Variants in PRKG1 observed in about 807,000 individuals in gnomAD.
PRKG1 encodes the protein protein kinase cGMP-dependent 1.
Under a neutral mutation model 88.1 loss-of-function variants are expected in PRKG1, and 35 were observed. That is an observed-to-expected ratio of 0.40 (90% CI 0.30 to 0.53). The LOEUF (loss-of-function observed/expected upper bound fraction) is 0.53. Ranked by LOEUF, PRKG1 falls within the 20% of genes least tolerant of loss-of-function variation. The pLI is 0.59. For missense variants in PRKG1, 540 were observed against 839.8 expected (o/e 0.64, Z 4.41); for synonymous variants, 303 against 292.5 (o/e 1.04, Z -0.37).
chr10:51,951,820 A>C (rs564933014), intron 5 of PRKG1, among the ~76,000 whole-genome samples: 2 of 152,306 alleles, frequency 1.3e-5, no homozygotes, highest in South Asian at 4.1e-4. Flanking sequence ...TATGGTCAAA[A>C]ATAGCTCAAA....
At chr10:51,921,611 GT>G (rs1340077390) in intron 5 of PRKG1, among the ~76,000 whole-genome samples, 1 of 152,022 alleles carries the variant, frequency 6.6e-6, no homozygotes, top group African/African-American at 2.4e-5. Flanking sequence ...TATGAAGAGT[GT>G]TTATCATAAA....
At chr10:51,100,438 T>C (rs1255611148) in intron 1 of PRKG1, among the ~76,000 whole-genome samples, 1 of 152,186 alleles carries the variant, frequency 6.6e-6, no homozygotes, top group Non-Finnish European at 1.5e-5. Flanking sequence ...ATTTCCTGAT[T>C]CATTCACTGC....
At chr10:52,268,074 G>C (rs1403492175) in intron 10 of PRKG1, among the ~76,000 whole-genome samples, 2 of 152,064 alleles carry the variant, frequency 1.3e-5, no homozygotes, top group East Asian at 3.9e-4. Flanking sequence ...AAGATCCTGA[G>C]TTCTGTGAGT....
chr10:51,648,888 G>A (rs1202740330), intron 3 of PRKG1, among the ~76,000 whole-genome samples: 1 of 152,090 alleles, frequency 6.6e-6, no homozygotes, highest in Non-Finnish European at 1.5e-5. Context: ...CATGTTTGCA[G>A]TAAATTATGT....
intron 8 of PRKG1, among the ~76,000 whole-genome samples, chr10:52,138,082 A>T (rs562243887): frequency 3.9e-4 from 60 of 152,148 alleles, no homozygotes; most frequent in African/African-American, 1.4e-3. Context: ...TGCCTCTGAG[A>T]TACAGCCATA....
intron 2 of PRKG1, among the ~76,000 whole-genome samples, chr10:51,183,199 A>G (rs900833105): frequency 6.6e-6 from 1 of 152,198 alleles, no homozygotes; most frequent in Non-Finnish European, 1.5e-5. Flanking sequence ...TTTGTATGTA[A>G]TGACAATGCC....
intron 4 of PRKG1, among the ~76,000 whole-genome samples, chr10:51,897,418 A>G (rs10823842): frequency 5.4e-4 from 82 of 152,248 alleles, no homozygotes; most frequent in Non-Finnish European, 1.1e-3. Flanking sequence ...ATAACTCTGT[A>G]TGCTTCTTCC....
intron 5 of PRKG1, among the ~76,000 whole-genome samples, chr10:51,912,947 G>C (rs926901679): frequency 6.6e-6 from 1 of 151,514 alleles, no homozygotes; most frequent in African/African-American, 2.4e-5. Context: ...TTATTTTTTT[G>C]AGATGAAATC....
intron 1 of PRKG1, among the ~76,000 whole-genome samples, chr10:51,006,417 T>G (rs948707286): frequency 6.6e-6 from 1 of 152,226 alleles, no homozygotes; most frequent in Admixed American, 6.5e-5. Flanking sequence ...TAGAATGTAG[T>G]CATTCAATAA....
rs1312614287 is a variant in PRKG1, at chr10:52,271,629, T to G, written c.1313+140T>G. ...TTTTTAATCTAATCTTAAGAAAGTT[T>G]TGTTTGATTTCTAAAAATAAAGTTC... On this transcript the variant is annotated intron_variant, in intron 11 of 17. Transcript: ENST00000373980. The G allele has an allele frequency of 6.5e-6, 6 of 929,102 alleles. No individual in the cohort carries two copies. The African/African-American group carries it at 1.0e-4, about 15-fold the overall frequency. The allele number at this position is 929,102 out of a possible 1,614,324, so 57.6% of individuals were successfully genotyped here.
intron 2 of PRKG1, among the ~76,000 whole-genome samples, chr10:51,225,929 C>T (rs1293565185): frequency 1.3e-5 from 2 of 152,148 alleles, no homozygotes; most frequent in East Asian, 1.9e-4. Flanking sequence ...CTGTGCTGGG[C>T]GCGATGGCTC....
chr10:51,376,354 A>AT (rs1313119431), intron 2 of PRKG1, among the ~76,000 whole-genome samples: 4 of 152,120 alleles, frequency 2.6e-5, no homozygotes, highest in African/African-American at 9.7e-5. Context: ...TCAGTGTTTC[A>AT]TTAGAGAAAT....
At chr10:51,242,573 C>G (rs141586479) in intron 2 of PRKG1, among the ~76,000 whole-genome samples, 146 of 152,264 alleles carry the variant, frequency 9.6e-4, no homozygotes, top group Non-Finnish European at 1.7e-3. Flanking sequence ...GAGTAAGATA[C>G]AATCCCTGCC....
intron 3 of PRKG1, among the ~76,000 whole-genome samples, chr10:51,635,006 G>T (rs1839619839): frequency 6.6e-6 from 1 of 152,074 alleles, no homozygotes; most frequent in Non-Finnish European, 1.5e-5. Context: ...TTATTATCTG[G>T]CTGACAAAAT....
intron 3 of PRKG1, among the ~76,000 whole-genome samples, chr10:51,559,071 C>T (rs1275146409): frequency 6.6e-6 from 1 of 151,922 alleles, no homozygotes; most frequent in Non-Finnish European, 1.5e-5. Flanking sequence ...AGTTGTTAAC[C>T]TCTTACTATG....
intron 7 of PRKG1, among the ~76,000 whole-genome samples, chr10:52,099,886 C>T (rs951114275): frequency 1.3e-5 from 2 of 152,196 alleles, no homozygotes; most frequent in Non-Finnish European, 1.5e-5. Context: ...CAGGAGAGTG[C>T]TTGTAATGCA....
intron 2 of PRKG1, among the ~76,000 whole-genome samples, chr10:51,419,720 A>G (rs1256677787): frequency 6.6e-6 from 1 of 152,094 alleles, no homozygotes; most frequent in Non-Finnish European, 1.5e-5. Flanking sequence ...AAGATATATG[A>G]TAAAATTAGT....
In PRKG1 at chr10:51,878,041, T is replaced by C. The variant is rs1273370717; in HGVS notation, c.699-29466T>C. 2.0e-5 allele frequency among the ~76,000 whole-genome samples: 3 copies of C among 152,304 alleles called. No homozygotes were observed. In the East Asian group the frequency reaches 5.8e-4, roughly 29 times the overall value. On this transcript the variant is annotated intron_variant, in intron 4 of 17. Coordinates refer to ENST00000373980, the MANE Select transcript of PRKG1 (RefSeq NM_006258.4). ...CCTAGAAATATGTATTTTTTACTTC[T>C]CAGGATAGCATATGACTAAGTTAAC... is the stretch of plus-strand genomic sequence containing the variant.
chr10:52,265,941 T>C (rs1336755516), intron 10 of PRKG1, among the ~76,000 whole-genome samples: 1 of 152,082 alleles, frequency 6.6e-6, no homozygotes. Flanking sequence ...GCATTTCTTA[T>C]ATAAAATAAA....
Sources: gnomAD v4.1 joint callset for allele counts (sites outside exome capture counted in the v4.1 genomes callset) on GRCh38, gnomAD v4.1.1 for gene constraint, MANE v1.5 for transcripts, NCBI Gene and HGNC (gene_info 2026-07-23, HGNC 2026-07-21) for gene names.